CXXC5: variants seen among roughly 807,000 people sequenced by gnomAD.
CXXC5 encodes CXXC finger protein 5.
Under a neutral mutation model 17.6 loss-of-function variants are expected in CXXC5, and 2 were observed. The observed-to-expected ratio is 0.11, with a 90% confidence interval of 0.05 to 0.36. The LOEUF (loss-of-function observed/expected upper bound fraction) is 0.36, where lower values mean the gene tolerates loss of function less well. Ranked by LOEUF, CXXC5 falls within the 10% of genes least tolerant of loss-of-function variation. The pLI is 1.00. For missense variants in CXXC5, 343 were observed against 458.3 expected (o/e 0.75, Z 2.30); for synonymous variants, 171 against 193.0 (o/e 0.89, Z 0.94).
chr5:139,662,145 C>G (rs1288804682), intron 1 of CXXC5, among the ~76,000 whole-genome samples: 1 of 152,204 alleles, frequency 6.6e-6, no homozygotes, highest in African/African-American at 2.4e-5. Flanking sequence ...GCCCAGGAGT[C>G]TTTCTGCCTA....
rs897604686 is a variant in CXXC5 at position 139,668,573 on chromosome 5, G to A, written c.-160-11791G>A. On this transcript the variant is annotated intron_variant, in intron 1 of 2. Coordinates refer to ENST00000302517, the MANE Select transcript of CXXC5 (RefSeq NM_016463.9). This position sits in a 1 kb window ranked among gnomAD's most constrained non-coding sequence, Gnocchi z 4.1. ...TGCCCCAGAGCTGGCCGCGTTTCTC[G>A]GGGCGGGAGCCAGCTCTGCTCGCCT... 6.6e-6 allele frequency among the ~76,000 whole-genome samples: 1 copy of A among 152,196 alleles called. No homozygotes were observed. Among genetic ancestry groups the A allele is most frequent in the Non-Finnish European group, 1.5e-5 (1 of 68,018 alleles).
chr5:139,654,509 G>A (rs1284471633), intron 1 of CXXC5, among the ~76,000 whole-genome samples: 5 of 152,188 alleles, frequency 3.3e-5, no homozygotes, highest in Admixed American at 6.5e-5. Context: ...CCTACAATCT[G>A]TATTCAGTAA....
In CXXC5 at chr5:139,683,238, C is replaced by T. The variant is rs1757359032; in HGVS notation, c.*331C>T. The T allele has an allele frequency of 8.5e-6, 2 of 235,946 alleles. No homozygotes were observed. The highest frequency in any genetic ancestry group is 2.2e-5 in the African/African-American group (1 of 44,498). The allele number at this position is 235,946 out of a possible 1,614,324, so 14.6% of individuals were successfully genotyped here. A position where few individuals can be genotyped will look rare whatever the true frequency, so the allele number is the denominator to read the frequency against. On this transcript the variant is annotated 3_prime_UTR_variant, in exon 3 of 3. Coordinates refer to ENST00000302517, the MANE Select transcript of CXXC5 (RefSeq NM_016463.9). ...CTTCCTGTGTCGATGTCGATGTTGT[C>T]TGTGCAGGAGATGCAGTTTTTGTGT...
intron 1 of CXXC5, among the ~76,000 whole-genome samples, chr5:139,653,243 G>A (rs928126275): frequency 6.6e-6 from 1 of 152,210 alleles, no homozygotes; most frequent in African/African-American, 2.4e-5. Context: ...GTGTATCCAC[G>A]GCAATGGTAG....
At chr5:139,656,002 C>T (rs991916322) in intron 1 of CXXC5, among the ~76,000 whole-genome samples, 4 of 152,228 alleles carry the variant, frequency 2.6e-5, no homozygotes, top group East Asian at 1.9e-4. Flanking sequence ...GCCCTGTACC[C>T]GCCCTCCTCT....
At chr5:139,674,350 C>T (rs1756657785) in intron 1 of CXXC5, among the ~76,000 whole-genome samples, 1 of 152,342 alleles carries the variant, frequency 6.6e-6, no homozygotes, top group African/African-American at 2.4e-5. Context: ...GCGTATTTTG[C>T]CTCACTTGGA....
intron 1 of CXXC5, among the ~76,000 whole-genome samples, chr5:139,669,710 TC>T (rs1208883600): frequency 6.6e-6 from 1 of 151,760 alleles, no homozygotes; most frequent in Non-Finnish European, 1.5e-5. Flanking sequence ...ACGCTTTACT[TC>T]CCTTCTACAC....
intron 1 of CXXC5, among the ~76,000 whole-genome samples, chr5:139,655,977 G>A (rs1180209140): frequency 6.6e-6 from 1 of 152,240 alleles, no homozygotes; most frequent in Non-Finnish European, 1.5e-5. Context: ...AGGCCTGCCT[G>A]GTGGCCCCCG....
intron 1 of CXXC5, among the ~76,000 whole-genome samples, chr5:139,673,774 G>A (rs1018906170): frequency 2.6e-5 from 4 of 151,814 alleles, no homozygotes; most frequent in African/African-American, 4.8e-5. Context: ...CCTGGGAGGC[G>A]GAGGTTGTGG....
chr5:139,675,100 G>A (rs959234670), intron 1 of CXXC5, among the ~76,000 whole-genome samples: 2 of 152,168 alleles, frequency 1.3e-5, no homozygotes, highest in Non-Finnish European at 2.9e-5. Flanking sequence ...CAGCTCCTGT[G>A]CACTCCTGGA....
intron 2 of CXXC5, among the ~76,000 whole-genome samples, chr5:139,682,323 A>ACCCCC (rs1561552990): frequency 1.5e-4 from 19 of 128,298 alleles, no homozygotes; most frequent in South Asian, 5.4e-4. Flanking sequence ...ACCCTCCCCC[A>ACCCCC]ACCCCAGCCC....
chr5:139,653,507 A>G (rs1030205063), intron 1 of CXXC5, among the ~76,000 whole-genome samples: 1 of 152,198 alleles, frequency 6.6e-6, no homozygotes, highest in Non-Finnish European at 1.5e-5. Context: ...CCAGATCCCC[A>G]GATGAGAGTC....
chr5:139,653,036 T>C (rs1183723804), intron 1 of CXXC5, among the ~76,000 whole-genome samples: 1 of 152,174 alleles, frequency 6.6e-6, no homozygotes, highest in Non-Finnish European at 1.5e-5. Flanking sequence ...TCTCCCCCTC[T>C]GGTTGTTTGA....
chr5:139,650,214 C>T (rs984693724), intron 1 of CXXC5, among the ~76,000 whole-genome samples: 1 of 152,178 alleles, frequency 6.6e-6, no homozygotes, highest in Non-Finnish European at 1.5e-5. Context: ...TGAAGTCTCC[C>T]GCGACGGGGG....
At chr5:139,650,350 C>A (rs1477890007) in intron 1 of CXXC5, among the ~76,000 whole-genome samples, 4 of 152,210 alleles carry the variant, frequency 2.6e-5, no homozygotes, top group African/African-American at 9.6e-5. Flanking sequence ...CCCCACCTTT[C>A]CTCGCGCGGC....
chr5:139,672,774 T>C (rs984323140), intron 1 of CXXC5, among the ~76,000 whole-genome samples: 4 of 152,214 alleles, frequency 2.6e-5, no homozygotes, highest in East Asian at 1.9e-4. Flanking sequence ...AACTGAGGCT[T>C]AGTGGCGGAA....
chr5:139,672,396 G>A (rs1041110426), intron 1 of CXXC5, among the ~76,000 whole-genome samples: 2 of 152,242 alleles, frequency 1.3e-5, no homozygotes, highest in Non-Finnish European at 2.9e-5. Context: ...GGGATTACAG[G>A]CGTGAGCCTG....
chr5:139,666,811 C>T (rs944075113), intron 1 of CXXC5, among the ~76,000 whole-genome samples: 3 of 152,190 alleles, frequency 2.0e-5, no homozygotes, highest in African/African-American at 7.2e-5. Context: ...GGTGGAAGAG[C>T]AGTGAGCTGA....
chr5:139,655,820 A>C (rs903734394), intron 1 of CXXC5, among the ~76,000 whole-genome samples: 1 of 151,272 alleles, frequency 6.6e-6, no homozygotes, highest in Admixed American at 6.6e-5. Flanking sequence ...TTGTTTGGGA[A>C]GAGGGCAGTG....
Sources: allele counts gnomAD v4.1 joint callset (sites outside exome capture counted in the v4.1 genomes callset), GRCh38; gene constraint gnomAD v4.1.1; non-coding constraint Gnocchi (gnomAD v3.1); transcripts MANE v1.5; gene names NCBI Gene and HGNC (gene_info 2026-07-23, HGNC 2026-07-21).